Variants in LYPLA2 observed in about 807,000 individuals in gnomAD.
LYPLA2 encodes the protein acyl-protein thioesterase 2.
LYPLA2 carries 7 observed loss-of-function variants against 30.3 expected under a neutral mutation model. The ratio of observed to expected loss-of-function variants is 0.23; its 90% confidence interval spans 0.13 to 0.43. The LOEUF is 0.43. Ranked by LOEUF, LYPLA2 falls within the 20% of genes least tolerant of loss-of-function variation. LYPLA2 has a pLI of 1.00. For missense variants in LYPLA2, 206 were observed against 307.9 expected, an observed-to-expected ratio of 0.67 and a Z score of 2.48; for synonymous variants, 112 against 118.2, an observed-to-expected ratio of 0.95 and a Z score of 0.34.
In LYPLA2 at chr1:23,793,875, G is replaced by T; in HGVS notation, c.240G>T (p.Gly80=). 1 of 1,614,006 alleles carries T rather than the reference G, an allele frequency of 6.2e-7. No individual in the cohort carries two copies. Among genetic ancestry groups the T allele is most frequent in the Non-Finnish European group, 8.5e-7 (1 of 1,179,928 alleles). Reference sequence around the variant, plus strand: ...TACTCCCAAGGTTTGACCTGATGGGGCTGAGTCCAGATGCCCCAGAGGACG... The same window carrying T: ...TACTCCCAAGGTTTGACCTGATGGGTCTGAGTCCAGATGCCCCAGAGGACG... ...MVMPSWFDLM[G]LSPDAPEDEA... The change falls in exon 6 of 10, where the codon GGG becomes GGT. Residue 80 remains glycine (G), a synonymous_variant. Transcript: ENST00000374514. The surrounding 1 kb of genome is among the most constrained non-coding windows in gnomAD (Gnocchi z 6.0).
At chr1:23,791,875 G>C (rs1335830730) in intron 1 of LYPLA2, 1 of 152,780 alleles carries the variant, frequency 6.5e-6, no homozygotes, top group Non-Finnish European at 1.5e-5. Flanking sequence ...AGGCACTTGA[G>C]GCAGGTAGTG....
At chr1:23,792,316 A>G (rs936985050) in intron 1 of LYPLA2, among the ~76,000 whole-genome samples, 2 of 152,034 alleles carry the variant, frequency 1.3e-5, no homozygotes, top group African/African-American at 4.8e-5. Flanking sequence ...ACCCCTGAGG[A>G]GTTAGAGGGG....
chr1:23,794,992 G>C lies in LYPLA2; in HGVS notation c.*260G>C. The C allele has an allele frequency of 1.5e-6, 1 of 673,200 alleles. No homozygotes were observed. The highest frequency in any genetic ancestry group is 1.8e-5 in the African/African-American group (1 of 56,758). The allele number at this position is 673,200 out of a possible 1,614,324, so 41.7% of individuals were successfully genotyped here. ...GCGGGCCCCCCTGGCAGCAGTATTGGAGGGGCTACAGGCAGCTGGAGAAAG... is the reference window on the plus strand; with the variant it reads ...GCGGGCCCCCCTGGCAGCAGTATTGCAGGGGCTACAGGCAGCTGGAGAAAG... On this transcript the variant is annotated 3_prime_UTR_variant, in exon 10 of 10. Transcript: ENST00000374514. The surrounding 1 kb of genome is among the most constrained non-coding windows in gnomAD (Gnocchi z 5.9).
rs1480794521 is a variant in LYPLA2, at chr1:23,795,065, G to A, written c.*333G>A. 4 of 520,472 alleles carry A rather than the reference G, an allele frequency of 7.7e-6. No homozygotes were observed. The highest frequency in any genetic ancestry group is 4.2e-5 in the East Asian group (1 of 23,950). The allele number at this position is 520,472 out of a possible 1,614,324, so 32.2% of individuals were successfully genotyped here. On this transcript the variant is annotated 3_prime_UTR_variant, in exon 10 of 10. Coordinates refer to ENST00000374514, the MANE Select transcript of LYPLA2 (RefSeq NM_007260.3). ...ACTCAGGACCTCACTCACTAGCCCC[G>A]CTTTGGGCCCCCTCCTGTGACCTCA...
At position 23,793,084 on chromosome 1, in the gene LYPLA2, C is replaced by T. The variant is rs1638831324; in HGVS notation, c.110+45C>T. 2 of 1,613,250 alleles carry T rather than the reference C, an allele frequency of 1.2e-6. No individual in the cohort carries two copies. Among genetic ancestry groups the T allele is most frequent in the Non-Finnish European group, 1.7e-6 (2 of 1,179,298 alleles). ...TGCTCCTTAAGGAGGGGTCCTGGCC[C>T]AGCAGCGGACTGGAGAGGCCTTCTC... On this transcript the variant is annotated intron_variant, in intron 3 of 9. Coordinates refer to ENST00000374514, the MANE Select transcript of LYPLA2 (RefSeq NM_007260.3). The surrounding 1 kb of genome is among the most constrained non-coding windows in gnomAD (Gnocchi z 6.0).
rs1638886421 is a variant in LYPLA2, at chr1:23,794,567, AT to A, written c.613del (p.Tyr205ThrfsTer16). ...VTPARVQFKTYPGVMHSSCPQ... is the reference protein window; with the variant it reads ...VTPARVQFKTXPGVMHSSCPQ... ...CACCTGCCAGGGTCCAGTTCAAGAC[AT>A]ACCCGGGTGTCATGCACAGCTCCTG... On this transcript the variant is annotated frameshift_variant, in exon 9 of 10. Coordinates refer to ENST00000374514, the MANE Select transcript of LYPLA2 (RefSeq NM_007260.3). LOFTEE classifies it high-confidence loss of function. The surrounding 1 kb of genome is among the most constrained non-coding windows in gnomAD (Gnocchi z 5.9). 6.2e-7 allele frequency: 1 copy of A among 1,614,086 alleles called. No homozygotes were observed.
rs908592030 is a variant in LYPLA2 at position 23,794,657 on chromosome 1, C to T, written c.646-25C>T. The T allele has an allele frequency of 1.2e-5, 20 of 1,614,042 alleles. 1 individual carries two copies. Among genetic ancestry groups the T allele is most frequent in the Middle Eastern group, 3.3e-4 (2 of 6,084 alleles). On this transcript the variant is annotated intron_variant, in intron 9 of 9. Coordinates refer to ENST00000374514, the MANE Select transcript of LYPLA2 (RefSeq NM_007260.3). This position sits in a 1 kb window ranked among gnomAD's most constrained non-coding sequence, Gnocchi z 5.9. ...TCTCTGCCTCCAGCCAGGTGCCTCTCGTGATCCCCTCTTAATCCCCTCAGG... is the reference window on the plus strand; with the variant it reads ...TCTCTGCCTCCAGCCAGGTGCCTCTTGTGATCCCCTCTTAATCCCCTCAGG...
Position 23,794,193 on chromosome 1 carries a change from C to T in LYPLA2, c.370-31C>T. On this transcript the variant is annotated intron_variant, in intron 7 of 9. Coordinates refer to ENST00000374514, the MANE Select transcript of LYPLA2 (RefSeq NM_007260.3). This position sits in a 1 kb window ranked among gnomAD's most constrained non-coding sequence, Gnocchi z 5.9. ...AGGGGTGGCCGGTGAGTGAGCTGTG[C>T]CCTCATGACCCCTCTCTCTCCTCCC... 2 of 1,585,458 alleles carry T rather than the reference C, an allele frequency of 1.3e-6. No homozygotes were observed. Among genetic ancestry groups the T allele is most frequent in the Non-Finnish European group, 1.7e-6 (2 of 1,161,910 alleles).
In LYPLA2 at chr1:23,792,707, C is replaced by T. The variant is rs1638821371; in HGVS notation, c.25C>T (p.Pro9Ser). MCGNTMSV[P>S]LLTDAATVSG... ...TATGTGTGGTAACACCATGTCTGTG[C>T]CCCTGCTCACCGATGCTGCCACCGT... Residue 9 changes from proline to serine, a missense_variant, in exon 2 of 10, where the codon CCC (proline) becomes TCC (serine). By Grantham distance (74) the Pro-to-Ser change is moderately conservative. Coordinates refer to ENST00000374514, the MANE Select transcript of LYPLA2 (RefSeq NM_007260.3). The T allele has an allele frequency of 1.2e-6, 2 of 1,612,020 alleles. No individual in the cohort carries two copies. Among genetic ancestry groups the T allele is most frequent in the Non-Finnish European group, 1.7e-6 (2 of 1,179,930 alleles).
Position 23,793,332 on chromosome 1 carries a change from G to A in LYPLA2, c.176+116G>A. 1.8e-6 allele frequency: 2 copies of A among 1,088,336 alleles called. No homozygotes were observed. Among genetic ancestry groups the A allele is most frequent in the Middle Eastern group, 2.9e-4 (1 of 3,440 alleles). The allele number at this position is 1,088,336 out of a possible 1,614,324, so 67.4% of individuals were successfully genotyped here. ...CATCCTGGGGCTTGGGCTCAGGGCA[G>A]TCAGAAGTGGCATTTTCAGCCTGAG... is the stretch of plus-strand genomic sequence containing the variant. On this transcript the variant is annotated intron_variant, in intron 4 of 9. Transcript: ENST00000374514. This position sits in a 1 kb window ranked among gnomAD's most constrained non-coding sequence, Gnocchi z 6.0.
chr1:23,793,602 C>T lies in LYPLA2; in HGVS notation c.177-103C>T. On this transcript the variant is annotated intron_variant, in intron 4 of 9. Transcript: ENST00000374514. The surrounding 1 kb of genome is among the most constrained non-coding windows in gnomAD (Gnocchi z 6.0). Reference sequence around the variant, plus strand: ...ACACCTTAAACACAGGCCCTGCCTGCTGGGAGGGGCCACCAGGGGCGGCGC... The same window carrying T: ...ACACCTTAAACACAGGCCCTGCCTGTTGGGAGGGGCCACCAGGGGCGGCGC... The T allele has an allele frequency of 8.3e-7, 1 of 1,201,160 alleles. No homozygotes were observed. The highest frequency in any genetic ancestry group is 1.2e-6 in the Non-Finnish European group (1 of 806,560). The allele number at this position is 1,201,160 out of a possible 1,614,324, so 74.4% of individuals were successfully genotyped here. A position where few individuals can be genotyped will look rare whatever the true frequency, so the allele number is the denominator to read the frequency against.
Position 23,793,246 on chromosome 1 carries a change from G to A in LYPLA2, c.176+30G>A. The A allele has an allele frequency of 1.2e-6, 2 of 1,605,590 alleles. No homozygotes were observed. The highest frequency in any genetic ancestry group is 1.7e-6 in the Non-Finnish European group (2 of 1,173,548). ...GTGTCACCCCAGCAAGGGAGGGGCT[G>A]AGGCTGGGGATCATCTGGGGGTGGT... On this transcript the variant is annotated intron_variant, in intron 4 of 9. Coordinates refer to ENST00000374514, the MANE Select transcript of LYPLA2 (RefSeq NM_007260.3). The surrounding 1 kb of genome is among the most constrained non-coding windows in gnomAD (Gnocchi z 6.0).
Position 23,792,645 on chromosome 1 carries a change from C to T in LYPLA2, c.-26-12C>T, listed in dbSNP as rs758770497. The T allele has an allele frequency of 1.6e-5, 25 of 1,589,348 alleles. No homozygotes were observed. The highest frequency in any genetic ancestry group is 2.3e-4 in the Middle Eastern group (1 of 4,400). On this transcript the variant is annotated splice_polypyrimidine_tract_variant and intron_variant, in intron 1 of 9. Coordinates refer to ENST00000374514, the MANE Select transcript of LYPLA2 (RefSeq NM_007260.3). ...CTGGTTTTGCTCTTGACCGCCGCCCCGATGTATGCAGGCCCCCGCCGTGGA... is the reference window on the plus strand; with the variant it reads ...CTGGTTTTGCTCTTGACCGCCGCCCTGATGTATGCAGGCCCCCGCCGTGGA...
chr1:23,793,570 C>A lies in LYPLA2; in HGVS notation c.177-135C>A. 2.2e-6 allele frequency: 2 copies of A among 895,658 alleles called. No individual in the cohort carries two copies. The highest frequency in any genetic ancestry group is 1.9e-5 in the Admixed American group (1 of 52,322). 55.5% of individuals were successfully genotyped at this position (895,658 alleles called of 1,614,324 possible). A position where few individuals can be genotyped will look rare whatever the true frequency, so the allele number is the denominator to read the frequency against. On this transcript the variant is annotated intron_variant, in intron 4 of 9. Coordinates refer to ENST00000374514, the MANE Select transcript of LYPLA2 (RefSeq NM_007260.3). This position sits in a 1 kb window ranked among gnomAD's most constrained non-coding sequence, Gnocchi z 6.0. ...GCCTCCAGCCCCACGTGGCAGGTTG[C>A]CTGGCAACACCTTAAACACAGGCCC...
rs1171839157 is a variant in LYPLA2, at chr1:23,794,052, C to G, written c.296-11C>G. On this transcript the variant is annotated splice_polypyrimidine_tract_variant and intron_variant, in intron 6 of 9. Coordinates refer to ENST00000374514, the MANE Select transcript of LYPLA2 (RefSeq NM_007260.3). This position sits in a 1 kb window ranked among gnomAD's most constrained non-coding sequence, Gnocchi z 5.9. ...CAGCTTCCCTCTACCCACTCATGCC[C>G]CCTCCCCCAGTCAAGGCCTTGATTG... is the stretch of plus-strand genomic sequence containing the variant. The G allele has an allele frequency of 6.2e-7, 1 of 1,613,124 alleles. No homozygotes were observed. The highest frequency in any genetic ancestry group is 8.5e-7 in the Non-Finnish European group (1 of 1,179,184).
chr1:23,794,844 G>C lies in LYPLA2; in HGVS notation c.*112G>C. The C allele has an allele frequency of 7.7e-7, 1 of 1,300,210 alleles. No homozygotes were observed. The highest frequency in any genetic ancestry group is 2.5e-5 in the East Asian group (1 of 40,196). The allele number at this position is 1,300,210 out of a possible 1,614,324, so 80.5% of individuals were successfully genotyped here. ...CCCCTGTCCCCACCCTTCCTGACCT[G>C]TCCTTTTCCCACAGGCCTCTGGGGG... is the stretch of plus-strand genomic sequence containing the variant. On this transcript the variant is annotated 3_prime_UTR_variant, in exon 10 of 10. Coordinates refer to ENST00000374514, the MANE Select transcript of LYPLA2 (RefSeq NM_007260.3). This position sits in a 1 kb window ranked among gnomAD's most constrained non-coding sequence, Gnocchi z 5.9.
At chr1:23,791,398 G>C (rs1222605014) in intron 1 of LYPLA2, 148 bp downstream of exon 1, 1 of 152,342 alleles carries the variant, frequency 6.6e-6, no homozygotes, top group African/African-American at 2.4e-5. Context: ...GGGACTTCGG[G>C]AGTGGAGCGG....
At position 23,794,016 on chromosome 1, in the gene LYPLA2, G is replaced by A; in HGVS notation, c.296-47G>A. On this transcript the variant is annotated intron_variant, in intron 6 of 9. Transcript: ENST00000374514. This position sits in a 1 kb window ranked among gnomAD's most constrained non-coding sequence, Gnocchi z 5.9. ...GGTTCCTCAGCCTAGCTCCCTTATT[G>A]GGCCCCTTGGCAGCTTCCCTCTACC... 1.3e-6 allele frequency: 2 copies of A among 1,596,982 alleles called. No individual in the cohort carries two copies. Among genetic ancestry groups the A allele is most frequent in the Non-Finnish European group, 1.7e-6 (2 of 1,164,458 alleles).
In LYPLA2 at chr1:23,793,626, G is replaced by A. The variant is rs1004818824; in HGVS notation, c.177-79G>A. The A allele has an allele frequency of 1.4e-5, 20 of 1,457,910 alleles. No individual in the cohort carries two copies. Among genetic ancestry groups the A allele is most frequent in the Admixed American group, 8.4e-5 (5 of 59,726 alleles). 90.3% of individuals were successfully genotyped at this position (1,457,910 alleles called of 1,614,324 possible). A position where few individuals can be genotyped will look rare whatever the true frequency, so the allele number is the denominator to read the frequency against. On this transcript the variant is annotated intron_variant, in intron 4 of 9. Transcript: ENST00000374514. The surrounding 1 kb of genome is among the most constrained non-coding windows in gnomAD (Gnocchi z 6.0). ...GCTGGGAGGGGCCACCAGGGGCGGC[G>A]CGGCCCCACTCCGGGCTCTGAGCTC...
Sources: gnomAD v4.1 joint callset for allele counts (sites outside exome capture counted in the v4.1 genomes callset) on GRCh38, gnomAD v4.1.1 for gene constraint, Gnocchi (gnomAD v3.1) non-coding constraint, MANE v1.5 for transcripts, NCBI Gene and HGNC (gene_info 2026-07-23, HGNC 2026-07-21) for gene names.